LIMS1: variants seen among roughly 807,000 people sequenced by gnomAD.
The protein encoded by LIMS1 is LIM and senescent cell antigen-like-containing domain protein 1.
Under a neutral mutation model 44.1 loss-of-function variants are expected in LIMS1, and 18 were observed. That is an observed-to-expected ratio of 0.41 (90% CI 0.28 to 0.61). The LOEUF (loss-of-function observed/expected upper bound fraction) is 0.61. Ranked by LOEUF, LIMS1 falls within the 20% of genes least tolerant of loss-of-function variation. The probability of loss-of-function intolerance (pLI) is 0.32; values close to 1 mark genes in which losing one functional copy is unlikely to be tolerated. For synonymous variants in LIMS1, 93 were observed against 149.1 expected (o/e 0.62, Z 2.74); for missense variants, 201 against 422.0 (o/e 0.48, Z 4.59).
intron 1 of LIMS1, among the ~76,000 whole-genome samples, chr2:108,600,126 T>C (rs913584416): frequency 6.6e-6 from 1 of 151,216 alleles, no homozygotes; most frequent in African/African-American, 2.4e-5. Context: ...CTCTGCTCAC[T>C]GCAACCTCCG....
chr2:108,634,024 G>A (rs2148900439), intron 1 of LIMS1, among the ~76,000 whole-genome samples: 1 of 152,308 alleles, frequency 6.6e-6, no homozygotes, highest in Admixed American at 6.5e-5. Flanking sequence ...GTTTGAGATG[G>A]GGACTGGATG....
chr2:108,667,294 A>G (rs1432510404), intron 2 of LIMS1, among the ~76,000 whole-genome samples: 1 of 152,144 alleles, frequency 6.6e-6, no homozygotes, highest in Non-Finnish European at 1.5e-5. Context: ...CAGTGAGGGT[A>G]TGCCATGAGC....
intron 1 of LIMS1, among the ~76,000 whole-genome samples, chr2:108,637,082 C>A (rs1689309003): frequency 6.8e-6 from 1 of 147,814 alleles, no homozygotes; most frequent in Admixed American, 6.9e-5. Flanking sequence ...TTTTTAAATT[C>A]AGCAAAATAT....
intron 2 of LIMS1, among the ~76,000 whole-genome samples, chr2:108,668,198 G>A (rs545430393): frequency 5.9e-5 from 9 of 152,242 alleles, no homozygotes; most frequent in South Asian, 4.1e-4. Context: ...TTTCTTTGTC[G>A]TAAGAACATT....
At chr2:108,625,988 G>A (rs1307915286) in intron 1 of LIMS1, among the ~76,000 whole-genome samples, 1 of 152,200 alleles carries the variant, frequency 6.6e-6, no homozygotes, top group African/African-American at 2.4e-5. Flanking sequence ...GGGCTTTTGT[G>A]TGTGTGGGCC....
intron 1 of LIMS1, among the ~76,000 whole-genome samples, chr2:108,619,040 C>G (rs1214197862): frequency 3.9e-5 from 6 of 152,162 alleles, no homozygotes; most frequent in South Asian, 4.2e-4. Flanking sequence ...TGCTCTCCCC[C>G]GCCCCGTCTA....
At chr2:108,640,718 T>TAATG (rs1361358973) in intron 1 of LIMS1, among the ~76,000 whole-genome samples, 1 of 152,262 alleles carries the variant, frequency 6.6e-6, no homozygotes, top group African/African-American at 2.4e-5. Context: ...TGCATGCATG[T>TAATG]AATGCATAAG....
chr2:108,595,337 A>C (rs1686623309), intron 1 of LIMS1, among the ~76,000 whole-genome samples: 1 of 152,078 alleles, frequency 6.6e-6, no homozygotes, highest in Admixed American at 6.5e-5. Flanking sequence ...AGGAGGTGTA[A>C]TGTGTGCTTG....
intron 1 of LIMS1, among the ~76,000 whole-genome samples, chr2:108,624,235 T>C (rs1001638449): frequency 6.6e-6 from 1 of 152,246 alleles, no homozygotes; most frequent in African/African-American, 2.4e-5. Context: ...GATATACCCA[T>C]GTACCTACAC....
At chr2:108,685,008 C>A (rs541208035) in exon 10 of LIMS1, 27 of 152,186 alleles carry the variant, frequency 1.8e-4, no homozygotes, top group Non-Finnish European at 3.2e-4. Flanking sequence ...AAACTAAGTG[C>A]ATTGAGATCT....
chr2:108,643,990 A>G (rs1689891925), intron 1 of LIMS1, among the ~76,000 whole-genome samples: 1 of 152,150 alleles, frequency 6.6e-6, no homozygotes, highest in Non-Finnish European at 1.5e-5. Flanking sequence ...TGGGTAGGGC[A>G]TCTCTGAAAA....
chr2:108,558,958 A>G (rs918500745), intron 1 of LIMS1, among the ~76,000 whole-genome samples: 10 of 152,200 alleles, frequency 6.6e-5, no homozygotes, highest in African/African-American at 2.4e-4. Context: ...GGTGTGAGCC[A>G]CTGTGCCCGG....
chr2:108,675,262 G>C (rs1207244920), intron 5 of LIMS1, among the ~76,000 whole-genome samples: 1 of 151,706 alleles, frequency 6.6e-6, no homozygotes, highest in Non-Finnish European at 1.5e-5. Context: ...CAAGGGGCTG[G>C]CATCTGGTGA....
chr2:108,563,472 C>T (rs867567950), intron 1 of LIMS1, among the ~76,000 whole-genome samples: 3 of 152,070 alleles, frequency 2.0e-5, no homozygotes, highest in African/African-American at 4.8e-5. Flanking sequence ...GGATGACTTT[C>T]GGGGGCTCAA....
intron 1 of LIMS1, among the ~76,000 whole-genome samples, chr2:108,598,645 G>A (rs1365912478): frequency 6.6e-6 from 1 of 152,194 alleles, no homozygotes; most frequent in South Asian, 2.1e-4. Flanking sequence ...GCAGATGTGT[G>A]CCAGTCTGAC....
intron 1 of LIMS1, among the ~76,000 whole-genome samples, chr2:108,644,165 A>G (rs774199087): frequency 2.4e-4 from 36 of 152,158 alleles, no homozygotes; most frequent in Non-Finnish European, 4.4e-4. Context: ...CTGATAAGGG[A>G]CAGCCTGCCT....
At chr2:108,548,704 C>T (rs966718333) in intron 1 of LIMS1, among the ~76,000 whole-genome samples, 1 of 152,128 alleles carries the variant, frequency 6.6e-6, no homozygotes, top group Non-Finnish European at 1.5e-5. Flanking sequence ...ATTTTGGGAC[C>T]GTGAGAACAG....
chr2:108,675,398 C>T (rs879016124), intron 5 of LIMS1, among the ~76,000 whole-genome samples: 1 of 151,978 alleles, frequency 6.6e-6, no homozygotes, highest in Non-Finnish European at 1.5e-5. Context: ...TCAGTAACAG[C>T]GTTAATCCAT....
At chr2:108,613,731 C>G (rs1327825290) in intron 1 of LIMS1, among the ~76,000 whole-genome samples, 1 of 152,104 alleles carries the variant, frequency 6.6e-6, no homozygotes, top group African/African-American at 2.4e-5. Context: ...TGAAGAACAC[C>G]AGGTCCTTCG....
Sources: gnomAD v4.1 joint callset for allele counts (sites outside exome capture counted in the v4.1 genomes callset) on GRCh38, gnomAD v4.1.1 for gene constraint, MANE v1.5 for transcripts, NCBI Gene and HGNC (gene_info 2026-07-23, HGNC 2026-07-21) for gene names.